Variants in GALNT1 observed in about 807,000 individuals in gnomAD.
GALNT1 encodes the protein polypeptide N-acetylgalactosaminyltransferase 1, also known as GalNAc transferase 1.
Under a neutral mutation model 65.7 loss-of-function variants are expected in GALNT1, and 17 were observed. The ratio of observed to expected loss-of-function variants is 0.26; its 90% CI spans 0.18 to 0.39. GALNT1 has a LOEUF of 0.39. Among genes scored for constraint, GALNT1 ranks in the 10% least tolerant of loss-of-function variants. The pLI, the probability that GALNT1 is intolerant of heterozygous loss-of-function variation, is 1.00. For synonymous variants in GALNT1, 210 were observed against 219.7 expected, an observed-to-expected ratio of 0.96 and a Z score of 0.39; for missense variants, 460 against 672.8, an observed-to-expected ratio of 0.68 and a Z score of 3.50.
At position 35,654,616 on chromosome 18, in the gene GALNT1, T is replaced by C; in HGVS notation, c.-47T>C. On this transcript the variant is annotated 5_prime_UTR_variant, in exon 2 of 12. Coordinates refer to ENST00000269195, the MANE Select transcript of GALNT1 (RefSeq NM_020474.4). Reference sequence around the variant, plus strand: ...TGGAATAATTTTCATGATCTTTGTATATTTATATATATATATTTTTAAATT... The same window carrying C: ...TGGAATAATTTTCATGATCTTTGTACATTTATATATATATATTTTTAAATT... 4 of 1,054,600 alleles carry C rather than the reference T, an allele frequency of 3.8e-6. No individual in the cohort carries two copies. Among genetic ancestry groups the C allele is most frequent in the Non-Finnish European group, 4.9e-6 (4 of 809,444 alleles). 65.3% of individuals were successfully genotyped at this position (1,054,600 alleles called of 1,614,324 possible).
At chr18:35,691,731 G>C (rs1166420101) in intron 8 of GALNT1, among the ~76,000 whole-genome samples, 1 of 152,170 alleles carries the variant, frequency 6.6e-6, no homozygotes, top group Admixed American at 6.6e-5. Context: ...TGTAGGAACA[G>C]TTGTTCCATC....
chr18:35,628,531 A>G, intron 1 of GALNT1, among the ~76,000 whole-genome samples: 1 of 152,230 alleles, frequency 6.6e-6, no homozygotes, highest in Non-Finnish European at 1.5e-5. Flanking sequence ...GAAAACTAAC[A>G]AACAGAAAGG....
At chr18:35,650,204 G>T (rs59314415) in intron 1 of GALNT1, among the ~76,000 whole-genome samples, 1,962 of 152,204 alleles carry the variant, frequency 0.013, 45 homozygotes, top group African/African-American at 0.045. Flanking sequence ...GAGTCTGGGG[G>T]AGACATCACG....
chr18:35,685,297 A>ATT (rs2047851077), intron 5 of GALNT1, among the ~76,000 whole-genome samples: 1 of 152,210 alleles, frequency 6.6e-6, no homozygotes, highest in Non-Finnish European at 1.5e-5. Context: ...ATATTACAAA[A>ATT]ACTAATTCGT....
intron 2 of GALNT1, among the ~76,000 whole-genome samples, chr18:35,657,044 G>A (rs536673502): frequency 6.6e-6 from 1 of 152,176 alleles, no homozygotes; most frequent in South Asian, 2.1e-4. Context: ...CAGCTTTGAT[G>A]AAAAGGTGGA....
intron 7 of GALNT1, among the ~76,000 whole-genome samples, chr18:35,689,706 G>A (rs911218598): frequency 4.0e-5 from 6 of 151,864 alleles, no homozygotes; most frequent in Non-Finnish European, 5.9e-5. Flanking sequence ...ATAAAACCTA[G>A]TCACTTTACC....
chr18:35,602,819 GA>G (rs908345983), intron 1 of GALNT1, among the ~76,000 whole-genome samples: 1 of 152,130 alleles, frequency 6.6e-6, no homozygotes, highest in African/African-American at 2.4e-5. Context: ...CTTGATCTGA[GA>G]GCTCGCACAT....
At chr18:35,678,549 A>C (rs2047744364) in intron 4 of GALNT1, among the ~76,000 whole-genome samples, 1 of 152,190 alleles carries the variant, frequency 6.6e-6, no homozygotes. Flanking sequence ...AACTTGCTTA[A>C]CTTAGATACC....
intron 1 of GALNT1, among the ~76,000 whole-genome samples, chr18:35,623,304 CT>C (rs1272251802): frequency 1.3e-5 from 2 of 151,646 alleles, no homozygotes; most frequent in Admixed American, 1.3e-4. Flanking sequence ...TTTTTTTCCC[CT>C]GTACATACAT....
At chr18:35,619,104 C>T (rs1461069430) in intron 1 of GALNT1, among the ~76,000 whole-genome samples, 1 of 152,160 alleles carries the variant, frequency 6.6e-6, no homozygotes, top group East Asian at 1.9e-4. Context: ...GGTTGTTTTG[C>T]AGTGTGTGGT....
At chr18:35,675,343 ATATT>A (rs1407845191) in intron 3 of GALNT1, among the ~76,000 whole-genome samples, 9 of 152,156 alleles carry the variant, frequency 5.9e-5, no homozygotes, top group African/African-American at 1.9e-4. Flanking sequence ...CTTTGAGAGA[ATATT>A]AATTTATGAA....
chr18:35,610,362 C>A (rs569509328), intron 1 of GALNT1, among the ~76,000 whole-genome samples: 1 of 152,312 alleles, frequency 6.6e-6, no homozygotes, highest in East Asian at 1.9e-4. Context: ...CACTTGCTAA[C>A]AAGCCAACTC....
intron 1 of GALNT1, among the ~76,000 whole-genome samples, chr18:35,599,595 T>G (rs1568013302): frequency 6.6e-6 from 1 of 152,186 alleles, no homozygotes; most frequent in Non-Finnish European, 1.5e-5. Flanking sequence ...ACTCCTGAGC[T>G]CAAGCAGTCT....
intron 2 of GALNT1, among the ~76,000 whole-genome samples, chr18:35,656,363 G>A (rs1323740320): frequency 6.6e-6 from 1 of 152,076 alleles, no homozygotes; most frequent in Non-Finnish European, 1.5e-5. Flanking sequence ...CTCCCTTCAG[G>A]GAACTCACAG....
chr18:35,627,962 C>T (rs534378897), intron 1 of GALNT1, among the ~76,000 whole-genome samples: 59 of 68,858 alleles, frequency 8.6e-4, no homozygotes, highest in Admixed American at 2.6e-3. Context: ...CACGGAGCCT[C>T]GCTCATTGCT....
At chr18:35,614,745 C>T (rs2046761770) in intron 1 of GALNT1, among the ~76,000 whole-genome samples, 1 of 152,014 alleles carries the variant, frequency 6.6e-6, no homozygotes, top group Admixed American at 6.6e-5. Flanking sequence ...GACTAACATC[C>T]AGAATCTGCA....
intron 1 of GALNT1, among the ~76,000 whole-genome samples, chr18:35,630,519 C>G (rs2046991539): frequency 6.6e-6 from 1 of 152,114 alleles, no homozygotes; most frequent in African/African-American, 2.4e-5. Context: ...AACAAAGACA[C>G]AACATACCAG....
intron 1 of GALNT1, among the ~76,000 whole-genome samples, chr18:35,600,420 T>A (rs903934773): frequency 1.3e-5 from 2 of 152,218 alleles, no homozygotes; most frequent in East Asian, 3.8e-4. Flanking sequence ...AGTAGTTTGC[T>A]GATGGAGTCT....
At chr18:35,593,197 TAGG>T (rs1350762828) in intron 1 of GALNT1, among the ~76,000 whole-genome samples, 5 of 152,048 alleles carry the variant, frequency 3.3e-5, no homozygotes, top group Non-Finnish European at 7.4e-5. Flanking sequence ...ATTTCCTCAT[TAGG>T]AGGATTAGAG....
Sources: gnomAD v4.1 joint callset for allele counts (sites outside exome capture counted in the v4.1 genomes callset) on GRCh38, gnomAD v4.1.1 for gene constraint, MANE v1.5 for transcripts, NCBI Gene and HGNC (gene_info 2026-07-23, HGNC 2026-07-21) for gene names.